PGM5: variants seen among roughly 807,000 people sequenced by gnomAD.
The protein encoded by PGM5 is phosphoglucomutase-like protein 5.
Under a neutral mutation model 59.2 loss-of-function variants are expected in PGM5, and 23 were observed. The ratio of observed to expected loss-of-function variants is 0.39; its 90% CI spans 0.28 to 0.55. The LOEUF is 0.55. PGM5 is among the 20% of genes least tolerant of loss of function. The probability of loss-of-function intolerance (pLI) is 0.66; values close to 1 mark genes in which losing one functional copy is unlikely to be tolerated. For missense variants in PGM5, 574 were observed against 748.3 expected, an observed-to-expected ratio of 0.77 and a Z score of 2.72; for synonymous variants, 214 against 286.0, an observed-to-expected ratio of 0.75 and a Z score of 2.54.
chr9:68,376,835 C>CTCTTTCTTTCCTTCTTTCTTTCTTTCT (rs1563984870), intron 1 of PGM5, among the ~76,000 whole-genome samples: 7 of 58,614 alleles, frequency 1.2e-4, no homozygotes, highest in African/African-American at 5.8e-4. Context: ...CTTTCTTTCT[C>CTCTTTCTTTCCTTCTTTCTTTCTTTCT]TTTCTTTCTT....
Position 68,443,848 on chromosome 9 carries a change from C to T in PGM5, c.1044-21245C>T, listed in dbSNP as rs7869138. ...ATTTAAGACTTTAAAGTAATGGAGC[C>T]CTGCTCCTATTATGTGGAAATTGCA... On this transcript the variant is annotated intron_variant, in intron 6 of 10. Transcript: ENST00000396396. Among the ~76,000 whole-genome samples the T allele has an allele frequency of 7.7e-3, 1,166 of 152,264 alleles. 15 individuals are homozygous for T. Among genetic ancestry groups the T allele is most frequent in the African/African-American group, 0.027 (1,118 of 41,540 alleles).
intron 10 of PGM5, among the ~76,000 whole-genome samples, chr9:68,524,416 C>T (rs1452524257): frequency 2.6e-5 from 4 of 152,104 alleles, no homozygotes; most frequent in African/African-American, 4.8e-5. Flanking sequence ...TGGTTTGGAG[C>T]AAGATAAGCG....
At chr9:68,375,947 G>A (rs1342980537) in intron 1 of PGM5, among the ~76,000 whole-genome samples, 2 of 152,224 alleles carry the variant, frequency 1.3e-5, no homozygotes, top group Non-Finnish European at 2.9e-5. Context: ...ATCATGTTTG[G>A]TATGTTTGAG....
intron 10 of PGM5, among the ~76,000 whole-genome samples, chr9:68,503,470 T>C (rs1201099385): frequency 6.6e-6 from 1 of 152,228 alleles, no homozygotes; most frequent in Non-Finnish European, 1.5e-5. Flanking sequence ...TTCTACTGAA[T>C]GTGTATCTCT....
chr9:68,446,958 G>A (rs1249530347), intron 6 of PGM5, among the ~76,000 whole-genome samples: 1 of 152,162 alleles, frequency 6.6e-6, no homozygotes, highest in Non-Finnish European at 1.5e-5. Flanking sequence ...CTTATAAGGG[G>A]GAAGAGTGGC....
intron 8 of PGM5, among the ~76,000 whole-genome samples, chr9:68,482,950 T>C (rs1824222189): frequency 6.6e-6 from 1 of 152,250 alleles, no homozygotes; most frequent in African/African-American, 2.4e-5. Flanking sequence ...ATTGTTACAT[T>C]TAATACGCTT....
chr9:68,439,132 G>A (rs948479625), intron 6 of PGM5, among the ~76,000 whole-genome samples: 3 of 152,020 alleles, frequency 2.0e-5, no homozygotes, highest in Non-Finnish European at 4.4e-5. Context: ...GGAGGCTGAT[G>A]TGGGAGGATT....
In PGM5 at chr9:68,452,599, C is replaced by T. The variant is rs192298034; in HGVS notation, c.1044-12494C>T. ...ATGCAAACAGCTGCTGTTCCCATCT[C>T]CTTCCTCTTCCCCTACCACATCCTC... On this transcript the variant is annotated intron_variant, in intron 6 of 10. Transcript: ENST00000396396. Among the ~76,000 whole-genome samples, 349 of 152,320 alleles carry T rather than the reference C, an allele frequency of 2.3e-3. 6 individuals are homozygous for T. Among genetic ancestry groups the T allele is most frequent in the Non-Finnish European group, 1.9e-3 (126 of 68,026 alleles).
intron 7 of PGM5, chr9:68,466,579 T>G (rs563357362): frequency 6.5e-6 from 1 of 154,330 alleles, no homozygotes; most frequent in South Asian, 2.0e-4. Context: ...ATTGTATTTA[T>G]GCCTAGAAAT....
intron 6 of PGM5, among the ~76,000 whole-genome samples, chr9:68,423,900 C>T (rs1564001930): frequency 2.6e-5 from 4 of 152,092 alleles, no homozygotes; most frequent in African/African-American, 7.2e-5. Flanking sequence ...ATTAGAGAAA[C>T]AGAATGTACC....
At chr9:68,410,737 A>G (rs1225937686) in intron 6 of PGM5, among the ~76,000 whole-genome samples, 1 of 152,236 alleles carries the variant, frequency 6.6e-6, no homozygotes, top group Non-Finnish European at 1.5e-5. Flanking sequence ...CTATGGAGTC[A>G]TGATATAGCC....
At chr9:68,395,155 T>C (rs1480604421) in intron 6 of PGM5, among the ~76,000 whole-genome samples, 6 of 152,160 alleles carry the variant, frequency 3.9e-5, no homozygotes, top group Non-Finnish European at 7.4e-5. Flanking sequence ...GAATTAATTT[T>C]TGAGCACGGT....
At chr9:68,441,622 C>A (rs1199364338) in intron 6 of PGM5, among the ~76,000 whole-genome samples, 1 of 152,112 alleles carries the variant, frequency 6.6e-6, no homozygotes, top group Admixed American at 6.5e-5. Flanking sequence ...AGAGCATCTA[C>A]AATAACCCTA....
At chr9:68,476,529 G>A (rs571447964) in intron 7 of PGM5, among the ~76,000 whole-genome samples, 10 of 152,218 alleles carry the variant, frequency 6.6e-5, no homozygotes, top group African/African-American at 1.7e-4. Flanking sequence ...ACAGCATAGC[G>A]TTCACTTGCC....
intron 8 of PGM5, among the ~76,000 whole-genome samples, chr9:68,482,135 T>C (rs1318463479): frequency 6.6e-6 from 1 of 152,162 alleles, no homozygotes; most frequent in Non-Finnish European, 1.5e-5. Context: ...ATCCTGCTTG[T>C]ATATGAAGGT....
At chr9:68,501,941 C>T in intron 10 of PGM5, among the ~76,000 whole-genome samples, 1 of 152,224 alleles carries the variant, frequency 6.6e-6, no homozygotes, top group Non-Finnish European at 1.5e-5. Context: ...ATTAGGAAAA[C>T]TTGTGATATA....
chr9:68,526,961 A>T (rs1462009036), intron 10 of PGM5, among the ~76,000 whole-genome samples: 1 of 152,266 alleles, frequency 6.6e-6, no homozygotes, highest in Non-Finnish European at 1.5e-5. Context: ...GACTCCTGAT[A>T]AACACAGAAC....
At chr9:68,432,205 AT>A (rs545419085) in intron 6 of PGM5, among the ~76,000 whole-genome samples, 2,164 of 146,574 alleles carry the variant, frequency 0.015, 58 homozygotes, top group African/African-American at 0.047. Context: ...TTATTTTTTA[AT>A]TTTTTTTTTT....
chr9:68,447,973 G>A (rs1417017389), intron 6 of PGM5, among the ~76,000 whole-genome samples: 1 of 152,064 alleles, frequency 6.6e-6, no homozygotes, highest in Non-Finnish European at 1.5e-5. Flanking sequence ...AAATTAAATT[G>A]GAGCAAAGAA....
Sources: gnomAD v4.1 joint callset for allele counts (sites outside exome capture counted in the v4.1 genomes callset) on GRCh38, gnomAD v4.1.1 for gene constraint, MANE v1.5 for transcripts, NCBI Gene and HGNC (gene_info 2026-07-23, HGNC 2026-07-21) for gene names.